The following MYBPC3 variants were observed in gnomAD, a reference collection of about 807,000 sequenced individuals.
The protein encoded by MYBPC3 is myosin binding protein C3, also known as myosin-binding protein C, cardiac-type.
A neutral mutation model predicts 159.3 loss-of-function variants in MYBPC3; 108 were observed. The ratio of observed to expected loss-of-function variants is 0.68; its 90% confidence interval spans 0.58 to 0.80. The LOEUF is 0.80. Among genes scored for constraint, MYBPC3 ranks in the 30% least tolerant of loss-of-function variants. The pLI is 0.00. For missense variants in MYBPC3, 1,631 were observed against 1,762.1 expected (o/e 0.93, Z 1.33); for synonymous variants, 730 against 702.0 (o/e 1.04, Z -0.63).
chr11:47,336,761 G>A (rs2095882715), intron 25 of MYBPC3, among the ~76,000 whole-genome samples: 1 of 152,146 alleles, frequency 6.6e-6, no homozygotes, highest in African/African-American at 2.4e-5. Context: ...GTGTCCTCCT[G>A]AGCCCTGCCA....
Position 47,338,917 on chromosome 11 carries a change from T to C in MYBPC3, c.2149-238A>G, listed in dbSNP as rs1320263197. 1.3e-5 allele frequency among the ~76,000 whole-genome samples: 2 copies of C among 152,158 alleles called. No individual in the cohort carries two copies. Among genetic ancestry groups the C allele is most frequent in the African/African-American group, 2.4e-5 (1 of 41,432 alleles). On this transcript the variant is annotated intron_variant, in intron 22 of 34. Transcript: ENST00000545968. This position sits in a 1 kb window ranked among gnomAD's most constrained non-coding sequence, Gnocchi z 4.7. ...ACCTGTCCTCTCAGATGAGCTATCATGAGGACCCCTCAAGACCCCAGCCTT... is the reference window on the plus strand; with the variant it reads ...ACCTGTCCTCTCAGATGAGCTATCACGAGGACCCCTCAAGACCCCAGCCTT...
rs377352427 is a variant in MYBPC3 at position 47,332,841 on chromosome 11, T to C, written c.3463A>G (p.Lys1155Glu). The C allele has an allele frequency of 3.7e-6, 6 of 1,607,390 alleles. No individual in the cohort carries two copies. In the African/African-American group the frequency reaches 6.7e-5, roughly 18 times the overall value. ...VGFSDRAATTKEPVFIPRPGI... is the reference protein window; with the variant it reads ...VGFSDRAATTEEPVFIPRPGI... Reference sequence around the variant, plus strand: ...GGTCTGGGGATAAAGACGGGCTCCTTGGTGGTGGCCGCTCTGTCACTAAAG... The same window carrying C: ...GGTCTGGGGATAAAGACGGGCTCCTCGGTGGTGGCCGCTCTGTCACTAAAG... Residue 1155 changes from lysine to glutamate, a missense_variant, in exon 31 of 35, where the codon AAG (lysine) becomes GAG (glutamate). By Grantham distance (56) the Lys-to-Glu change is moderately conservative. Coordinates refer to ENST00000545968, the MANE Select transcript of MYBPC3 (RefSeq NM_000256.3). This position sits in a 1 kb window ranked among gnomAD's most constrained non-coding sequence, Gnocchi z 4.2.
At chr11:47,337,333 A>G in intron 25 of MYBPC3, 58 bp downstream of exon 25, 1 of 1,473,118 alleles carries the variant, frequency 6.8e-7, no homozygotes, top group Non-Finnish European at 9.0e-7. Flanking sequence ...ACCTGCTATT[A>G]TTGGAGGTTT....
Position 47,351,875 on chromosome 11 carries a change from A to C in MYBPC3, c.26-370T>G, listed in dbSNP as rs985564512. ...TGGCAGGGGGCGGGGAAGTCTGCCT[A>C]CTTGGAATGTGGCCAAATTTGTCCT... On this transcript the variant is annotated intron_variant, in intron 1 of 34. Transcript: ENST00000545968. The surrounding 1 kb of genome is among the most constrained non-coding windows in gnomAD (Gnocchi z 4.2). Among the ~76,000 whole-genome samples, 3 of 152,074 alleles carry C rather than the reference A, an allele frequency of 2.0e-5. No homozygotes were observed. Among genetic ancestry groups the C allele is most frequent in the African/African-American group, 2.4e-5 (1 of 41,392 alleles).
rs1399271421 is a variant in MYBPC3, at chr11:47,349,941, C to A, written c.506-19G>T. 3.2e-6 allele frequency: 5 copies of A among 1,582,660 alleles called. No homozygotes were observed. The highest frequency in any genetic ancestry group is 3.4e-6 in the Non-Finnish European group (4 of 1,164,572). Reference sequence around the variant, plus strand: ...CTGCCACCTGCAAAGGCAGGGGCGACAGGCCCGGCTTGGGGAGTGTCCTGC... The same window carrying A: ...CTGCCACCTGCAAAGGCAGGGGCGAAAGGCCCGGCTTGGGGAGTGTCCTGC... On this transcript the variant is annotated intron_variant, in intron 4 of 34. Transcript: ENST00000545968.
rs1032192081 is a variant in MYBPC3, at chr11:47,338,740, C to T, written c.2149-61G>A. 1.3e-5 allele frequency: 20 copies of T among 1,510,056 alleles called. No individual in the cohort carries two copies. Among genetic ancestry groups the T allele is most frequent in the East Asian group, 1.2e-4 (5 of 41,928 alleles). 93.5% of individuals were successfully genotyped at this position (1,510,056 alleles called of 1,614,324 possible). A position where few individuals can be genotyped will look rare whatever the true frequency, so the allele number is the denominator to read the frequency against. On this transcript the variant is annotated intron_variant, in intron 22 of 34. Coordinates refer to ENST00000545968, the MANE Select transcript of MYBPC3 (RefSeq NM_000256.3). This position sits in a 1 kb window ranked among gnomAD's most constrained non-coding sequence, Gnocchi z 4.7. ...AGACCCCAGAGGCCCTTGCAGCCTC[C>T]GCCAACAGCCAGATGTCCCGGGGGT...
chr11:47,351,527 A>G lies in MYBPC3; in HGVS notation c.26-22T>C. The G allele has an allele frequency of 1.9e-6, 3 of 1,561,828 alleles. No homozygotes were observed. Among genetic ancestry groups the G allele is most frequent in the Non-Finnish European group, 2.6e-6 (3 of 1,149,208 alleles). On this transcript the variant is annotated intron_variant, in intron 1 of 34. Coordinates refer to ENST00000545968, the MANE Select transcript of MYBPC3 (RefSeq NM_000256.3). The surrounding 1 kb of genome is among the most constrained non-coding windows in gnomAD (Gnocchi z 4.2). ...GAGACTGAAGGGCCAGGTGGAGGCTACAGCGGCCCCTGGTTGGAGCGTGCA... is the reference window on the plus strand; with the variant it reads ...GAGACTGAAGGGCCAGGTGGAGGCTGCAGCGGCCCCTGGTTGGAGCGTGCA...
intron 33 of MYBPC3, 91 bp from the exon 34 acceptor site, chr11:47,331,972 C>A: frequency 6.3e-7 from 1 of 1,592,184 alleles, no homozygotes. Flanking sequence ...CCCTTGCAGC[C>A]AGGGCAGGTG....
chr11:47,346,733 G>A lies in MYBPC3; in HGVS notation c.909-89C>T. On this transcript the variant is annotated intron_variant, in intron 10 of 34. Coordinates refer to ENST00000545968, the MANE Select transcript of MYBPC3 (RefSeq NM_000256.3). The surrounding 1 kb of genome is among the most constrained non-coding windows in gnomAD (Gnocchi z 5.3). ...TCAAAGACCTGGACCCCACCCATGG[G>A]CCTTTACTTCCTCCCTATTTTCCGC... The A allele has an allele frequency of 7.3e-7, 1 of 1,360,838 alleles. No homozygotes were observed. The allele number at this position is 1,360,838 out of a possible 1,614,324, so 84.3% of individuals were successfully genotyped here.
intron 33 of MYBPC3, 80 bp downstream of exon 33, chr11:47,331,992 G>A: frequency 6.3e-7 from 1 of 1,593,958 alleles, no homozygotes. Flanking sequence ...GCTTGGCCGA[G>A]GACAACGGAG....
rs121909378 is a variant in MYBPC3, at chr11:47,332,931, C to A, written c.3373G>T (p.Val1125Leu). ...TTGCCAATGATGAGCTCTGGCACCA[C>A]GCAGTGGGTGCGGCGGTAATGCTCC... ...VLEHYRRTHC[V>L]VPELIIGNGY... Residue 1125 changes from valine (V) to leucine (L), a missense_variant, in exon 31 of 35, where the codon GTG becomes TTG. Physicochemically the swap from Val to Leu is conservative, Grantham distance 32 (BLOSUM62 1). Coordinates refer to ENST00000545968, the MANE Select transcript of MYBPC3 (RefSeq NM_000256.3). This position sits in a 1 kb window ranked among gnomAD's most constrained non-coding sequence, Gnocchi z 4.2. The A allele has an allele frequency of 6.8e-6, 11 of 1,610,678 alleles. No individual in the cohort carries two copies. Among genetic ancestry groups the A allele is most frequent in the South Asian group, 1.1e-5 (1 of 90,168 alleles).
In MYBPC3 at chr11:47,333,306, C is replaced by CG. The variant is rs730880668; in HGVS notation, c.3217dup (p.Arg1073ProfsTer4). 6.3e-7 allele frequency: 1 copy of CG among 1,587,928 alleles called. No homozygotes were observed. Among genetic ancestry groups the CG allele is most frequent in the East Asian group, 2.3e-5 (1 of 43,572 alleles). On this transcript the variant is annotated frameshift_variant, in exon 30 of 35. Transcript: ENST00000545968. LOFTEE classifies it high-confidence loss of function. ...ATTAAGACCCCAGGCGTCAGTCACCCGGAGATCCTGGGGAGGACTTGGCTT... is the reference window on the plus strand; with the variant it reads ...ATTAAGACCCCAGGCGTCAGTCACCCGGGAGATCCTGGGGAGGACTTGGCTT...
rs193068692 is a variant in MYBPC3, at chr11:47,350,041, G to A, written c.478C>T (p.Arg160Trp). ...ACGGTCACCTCGCCATCCTGTGGCC[G>A]CATCACGAAGAGGCCAATGGGGTCA... Reference protein sequence around the residue: ...PDDPIGLFVMRPQDGEVTVGG... With the variant: ...PDDPIGLFVMWPQDGEVTVGG... Residue 160 changes from arginine to tryptophan, a missense_variant, in exon 4 of 35, where the codon CGG (arginine) becomes TGG (tryptophan). Physicochemically the swap from Arg to Trp is moderately radical, Grantham distance 101. Coordinates refer to ENST00000545968, the MANE Select transcript of MYBPC3 (RefSeq NM_000256.3). 611 of 1,562,838 alleles carry A rather than the reference G, an allele frequency of 3.9e-4. 2 individuals carry two copies. The Admixed American group carries it at 7.0e-3, about 18-fold the overall frequency.
Position 47,346,413 on chromosome 11 carries a change from GC to G in MYBPC3, c.927-44del. 1 of 1,505,100 alleles carries G rather than the reference GC, an allele frequency of 6.6e-7. No homozygotes were observed. Among genetic ancestry groups the G allele is most frequent in the South Asian group, 1.3e-5 (1 of 76,146 alleles). 93.2% of individuals were successfully genotyped at this position (1,505,100 alleles called of 1,614,324 possible). A position where few individuals can be genotyped will look rare whatever the true frequency, so the allele number is the denominator to read the frequency against. ...GGCTGTGGCCGGGGGCAAGACTGCA[GC>G]CCCCTGGGCGGGGCTTCCTGGGCCC... On this transcript the variant is annotated intron_variant, in intron 11 of 34. Transcript: ENST00000545968. The surrounding 1 kb of genome is among the most constrained non-coding windows in gnomAD (Gnocchi z 5.3).
intron 1 of MYBPC3, among the ~76,000 whole-genome samples, chr11:47,352,144 G>C (rs1200094534): frequency 6.6e-6 from 1 of 152,108 alleles, no homozygotes; most frequent in African/African-American, 2.4e-5. Flanking sequence ...TCATGAAGCA[G>C]ATAATGTCAC....
chr11:47,339,196 T>C (rs2095885695), intron 22 of MYBPC3, 128 bp downstream of exon 22: 7 of 1,000,370 alleles, frequency 7.0e-6, no homozygotes, highest in Non-Finnish European at 1.6e-6. Context: ...ACAGGGACCC[T>C]GCTGGGGGCA....
Position 47,346,503 on chromosome 11 carries a change from G to A in MYBPC3, c.926+124C>T. 1 of 1,457,156 alleles carries A rather than the reference G, an allele frequency of 6.9e-7. No individual in the cohort carries two copies. Among genetic ancestry groups the A allele is most frequent in the South Asian group, 1.4e-5 (1 of 71,486 alleles). The allele number at this position is 1,457,156 out of a possible 1,614,324, so 90.3% of individuals were successfully genotyped here. ...CTTCCCTTCTGGTGGGGCAGCTGGA[G>A]CTGCTCTGGGTCCCAGGCCAGGCAG... On this transcript the variant is annotated intron_variant, in intron 11 of 34. Transcript: ENST00000545968. This position sits in a 1 kb window ranked among gnomAD's most constrained non-coding sequence, Gnocchi z 5.3.
chr11:47,340,270 GACACATGCACACACACACACGCGCGC>G (rs1018273276), intron 20 of MYBPC3, among the ~76,000 whole-genome samples: 3 of 149,496 alleles, frequency 2.0e-5, no homozygotes, highest in African/African-American at 7.6e-5. Flanking sequence ...TACACACACA[GACACATGCACACACACACACGCGCGC>G]ACACATGCAC....
chr11:47,348,372 A>G, intron 6 of MYBPC3, 52 bp downstream of exon 6: 1 of 1,348,304 alleles, frequency 7.4e-7, no homozygotes, highest in Non-Finnish European at 1.0e-6. Flanking sequence ...GAGGTAGGAG[A>G]CCAGGACCCA....
Sources: allele counts gnomAD v4.1 joint callset (sites outside exome capture counted in the v4.1 genomes callset), GRCh38; gene constraint gnomAD v4.1.1; non-coding constraint Gnocchi (gnomAD v3.1); transcripts MANE v1.5; gene names NCBI Gene and HGNC (gene_info 2026-07-23, HGNC 2026-07-21).